SUMF1: variants seen among roughly 807,000 people sequenced by gnomAD.
The protein encoded by SUMF1 is formylglycine-generating enzyme.
Under a neutral mutation model 47.6 loss-of-function variants are expected in SUMF1, and 48 were observed. The observed-to-expected ratio is 1.01, with a 90% CI of 0.80 to 1.28. SUMF1 has a LOEUF of 1.28. SUMF1 is among the 50% of genes most tolerant of loss of function. The pLI is 0.00. For missense variants in SUMF1, 571 were observed against 485.4 expected (o/e 1.18, Z -1.66); for synonymous variants, 230 against 192.1 (o/e 1.20, Z -1.63).
At chr3:4,215,680 A>C (rs1403628733) in intron 8 of SUMF1, among the ~76,000 whole-genome samples, 2 of 152,210 alleles carry the variant, frequency 1.3e-5, no homozygotes, top group Admixed American at 6.5e-5. Context: ...TAAGCTGATA[A>C]GCAACTTCAG....
intron 7 of SUMF1, among the ~76,000 whole-genome samples, chr3:4,377,360 C>T (rs951756860): frequency 6.6e-6 from 1 of 152,016 alleles, no homozygotes; most frequent in South Asian, 2.1e-4. Flanking sequence ...CATATACGTA[C>T]TATGAACCAG....
At chr3:4,434,557 T>C (rs1287841174) in intron 3 of SUMF1, among the ~76,000 whole-genome samples, 1 of 152,228 alleles carries the variant, frequency 6.6e-6, no homozygotes, top group Non-Finnish European at 1.5e-5. Flanking sequence ...AACAATGTCA[T>C]TTACTAAAAG....
intron 8 of SUMF1, among the ~76,000 whole-genome samples, chr3:4,172,401 C>T (rs1694851750): frequency 6.6e-6 from 1 of 152,096 alleles, no homozygotes. Context: ...CAGGTATTCA[C>T]TAAAAACTAG....
At chr3:4,395,443 G>T (rs1701009804) in intron 7 of SUMF1, among the ~76,000 whole-genome samples, 1 of 152,102 alleles carries the variant, frequency 6.6e-6, no homozygotes, top group Non-Finnish European at 1.5e-5. Context: ...CTGGGGACAA[G>T]GACCAATGAA....
intron 8 of SUMF1, among the ~76,000 whole-genome samples, chr3:4,264,576 G>A (rs1452502204): frequency 1.3e-5 from 2 of 152,026 alleles, no homozygotes; most frequent in African/African-American, 2.4e-5. Flanking sequence ...ACTTGTAAAC[G>A]TCTAACTCAC....
rs1692419532 is a variant in SUMF1 at position 4,075,786 on chromosome 3, G to A, written c.1015-7041C>T. ...CCTAGGAATCCAACTTACAAGGAAT[G>A]TGAAGGACCCCTTCAAGGAGAACTA... On this transcript the variant is annotated intron_variant and NMD_transcript_variant, in intron 8 of 12. Transcript: ENST00000448413. Among the ~76,000 whole-genome samples, 2 of 152,096 alleles carry A rather than the reference G, an allele frequency of 1.3e-5. 1 individual carries two copies. The highest frequency in any genetic ancestry group is 4.1e-4 in the South Asian group (2 of 4,826).
intron 8 of SUMF1, among the ~76,000 whole-genome samples, chr3:4,175,852 G>A (rs1279981304): frequency 1.3e-5 from 2 of 152,088 alleles, no homozygotes; most frequent in South Asian, 2.1e-4. Context: ...AAATGACCTG[G>A]TGGAGCTGAA....
intron 8 of SUMF1, among the ~76,000 whole-genome samples, chr3:4,152,367 A>G (rs1694355250): frequency 6.6e-6 from 1 of 151,440 alleles, no homozygotes; most frequent in Non-Finnish European, 1.5e-5. Flanking sequence ...AGCTCACTGC[A>G]ACCTCCACCT....
chr3:4,122,329 G>A (rs1035116285), intron 8 of SUMF1, among the ~76,000 whole-genome samples: 6 of 152,174 alleles, frequency 3.9e-5, no homozygotes, highest in Admixed American at 2.6e-4. Flanking sequence ...TCATTTCTAT[G>A]AAATATTCGG....
In SUMF1 at chr3:4,145,255, G is replaced by A. The variant is rs890322309; in HGVS notation, c.1015-76510C>T. Among the ~76,000 whole-genome samples, 11 of 147,584 alleles carry A rather than the reference G, an allele frequency of 7.5e-5. 2 individuals carry two copies. Among genetic ancestry groups the A allele is most frequent in the Admixed American group, 6.7e-5 (1 of 14,844 alleles). On this transcript the variant is annotated intron_variant and NMD_transcript_variant, in intron 8 of 12. Transcript: ENST00000448413. ...ATGCATGTAATACCTGAATCCTTCA[G>A]ACATCTCCGTTCATTGCTGAGTGCC...
At chr3:4,182,237 A>G (rs1299169390) in intron 8 of SUMF1, among the ~76,000 whole-genome samples, 3 of 152,062 alleles carry the variant, frequency 2.0e-5, no homozygotes, top group South Asian at 2.1e-4. Context: ...CCAGAGTGTC[A>G]AATGAATTGT....
chr3:4,422,456 C>A (rs1172796817), intron 3 of SUMF1, among the ~76,000 whole-genome samples: 1 of 151,442 alleles, frequency 6.6e-6, no homozygotes, highest in Non-Finnish European at 1.5e-5. Context: ...CTTCTCATAC[C>A]CTTTTGTGTC....
rs1461168211 is a variant in SUMF1 at position 4,085,731 on chromosome 3, T to A, written c.1015-16986A>T. The stretch of plus-strand genomic sequence containing the variant: ...AGACTTAGTATTTTTTGTTCTACTT[T>A]GTCCTTCTCTTTTACCTAAAGAACT... On this transcript the variant is annotated intron_variant and NMD_transcript_variant, in intron 8 of 12. Transcript: ENST00000448413. Among the ~76,000 whole-genome samples, 4 of 152,238 alleles carry A rather than the reference T, an allele frequency of 2.6e-5. No homozygotes were observed. The East Asian group carries it at 5.8e-4, about 22-fold the overall frequency.
intron 3 of SUMF1, among the ~76,000 whole-genome samples, chr3:4,430,129 C>T (rs1702188249): frequency 2.0e-5 from 3 of 152,122 alleles, no homozygotes; most frequent in Admixed American, 2.0e-4. Context: ...GAACTTTTTC[C>T]ACTATTCAAG....
intron 8 of SUMF1, among the ~76,000 whole-genome samples, chr3:4,244,298 T>C (rs953694177): frequency 2.6e-5 from 4 of 152,228 alleles, no homozygotes; most frequent in Non-Finnish European, 4.4e-5. Flanking sequence ...GATCCTGTCA[T>C]TATGATGCTA....
At chr3:4,456,695 TATATATATAC>T (rs1193034192) in intron 1 of SUMF1, among the ~76,000 whole-genome samples, 14 of 137,702 alleles carry the variant, frequency 1.0e-4, no homozygotes, top group African/African-American at 3.9e-4. Context: ...TATGTGTGTA[TATATATATAC>T]GTATATATAT....
chr3:4,356,125 C>T lies in SUMF1; in HGVS notation c.1014+20205G>A, dbSNP rs551480256. Among the ~76,000 whole-genome samples, 34 of 152,256 alleles carry T rather than the reference C, an allele frequency of 2.2e-4. No individual in the cohort carries two copies. The East Asian group carries it at 6.2e-3, about 28-fold the overall frequency. On this transcript the variant is annotated intron_variant and NMD_transcript_variant, in intron 8 of 12. Transcript: ENST00000448413. ...GTGCCAAAGCTCCATCTGAGGCTCT[C>T]GGAGTTAATAATTTCCATGGTGTTT...
At chr3:4,218,027 C>A (rs1695975266) in intron 8 of SUMF1, among the ~76,000 whole-genome samples, 1 of 151,936 alleles carries the variant, frequency 6.6e-6, no homozygotes, top group African/African-American at 2.4e-5. Flanking sequence ...ATAGTGGTCA[C>A]TTCTCGAAAG....
At chr3:4,325,608 TACACACACAC>T (rs139250144) in intron 8 of SUMF1, among the ~76,000 whole-genome samples, 1 of 149,384 alleles carries the variant, frequency 6.7e-6, no homozygotes, top group East Asian at 2.0e-4. Flanking sequence ...TATATATGTG[TACACACACAC>T]ACACACACAC....
Sources: allele counts gnomAD v4.1 joint callset (sites outside exome capture counted in the v4.1 genomes callset), GRCh38; gene constraint gnomAD v4.1.1; transcripts MANE v1.5; gene names NCBI Gene and HGNC (gene_info 2026-07-23, HGNC 2026-07-21).